Variants in GATAD1 observed in about 807,000 individuals in gnomAD.
The protein encoded by GATAD1 is GATA zinc finger domain containing 1, also known as GATA zinc finger domain-containing protein 1.
Under a neutral mutation model 26.5 loss-of-function variants are expected in GATAD1, and 12 were observed. That is an observed-to-expected ratio of 0.45 (90% confidence interval 0.29 to 0.73). GATAD1 has a LOEUF of 0.73. Among genes scored for constraint, GATAD1 ranks in the 30% least tolerant of loss-of-function variants. GATAD1 has a pLI of 0.10. For missense variants in GATAD1, 266 were observed against 342.1 expected (o/e 0.78, Z 1.75); for synonymous variants, 129 against 133.1 (o/e 0.97, Z 0.21).
the GATAD1 span, among the ~76,000 whole-genome samples, chr7:92,475,805 C>G: frequency 6.6e-6 from 1 of 152,144 alleles, no homozygotes; most frequent in Non-Finnish European, 1.5e-5. Context: ...CCCAGCTGCC[C>G]CATCAAGATG....
chr7:92,470,130 A>G, the GATAD1 span: 1 of 778,744 alleles, frequency 1.3e-6, no homozygotes, highest in Non-Finnish European at 2.4e-6. Context: ...TCCAATAATG[A>G]GTATTTGCAT....
intron 3 of GATAD1, 78 bp from the exon 4 acceptor site, chr7:92,454,424 C>A: frequency 1.8e-6 from 2 of 1,084,346 alleles, no homozygotes; most frequent in Non-Finnish European, 2.8e-6. Context: ...TGAAAACTTG[C>A]TTACCTATTA....
At chr7:92,479,469 G>A in the GATAD1 span, among the ~76,000 whole-genome samples, 37 of 152,264 alleles carry the variant, frequency 2.4e-4, 1 homozygote, top group Middle Eastern at 3.4e-3. Context: ...GAATGTCATC[G>A]GTTAAGGCAG....
the GATAD1 span, chr7:92,493,792 C>G: frequency 2.9e-5 from 5 of 172,782 alleles, no homozygotes; most frequent in Admixed American, 1.1e-4. Context: ...AACATATATA[C>G]AGATACTTTA....
At chr7:92,494,380 A>T in the GATAD1 span, 1 of 1,613,986 alleles carries the variant, frequency 6.2e-7, no homozygotes, top group South Asian at 1.1e-5. Flanking sequence ...GACTAGTAGC[A>T]GCCAATACAT....
Position 92,456,483 on chromosome 7 carries a change from C to T in GATAD1, c.731C>T (p.Pro244Leu). The T allele has an allele frequency of 6.2e-7, 1 of 1,612,384 alleles. No individual in the cohort carries two copies. The highest frequency in any genetic ancestry group is 8.5e-7 in the Non-Finnish European group (1 of 1,178,398). Residue 244 changes from proline to leucine, a missense_variant, in exon 5 of 5, where the codon CCA (proline) becomes CTA (leucine). Coordinates refer to ENST00000287957, the MANE Select transcript of GATAD1 (RefSeq NM_021167.5). ...CCATTTCCCACAGTTCCCACCAGAC[C>T]AGAGAAGGGCTACATATGGACTCAT... Reference protein sequence around the residue: ...SSPFPTVPTRPEKGYIWTHVG... With the variant: ...SSPFPTVPTRLEKGYIWTHVG...
At chr7:92,470,163 A>T in the GATAD1 span, 1 of 778,824 alleles carries the variant, frequency 1.3e-6, no homozygotes, top group Non-Finnish European at 2.4e-6. Context: ...TGGCAGAGTG[A>T]TAGCAGTTGC....
intron 3 of GATAD1, among the ~76,000 whole-genome samples, chr7:92,452,553 A>G (rs998557087): frequency 6.6e-6 from 1 of 152,168 alleles, no homozygotes; most frequent in South Asian, 2.1e-4. Context: ...GAACAACTCC[A>G]TGAACTCAGA....
At chr7:92,465,557 G>A in the GATAD1 span, among the ~76,000 whole-genome samples, 2 of 151,844 alleles carry the variant, frequency 1.3e-5, no homozygotes, top group African/African-American at 4.8e-5. Context: ...GGTGGAGGTT[G>A]CAGTGAGCCA....
chr7:92,461,739 A>T (rs1384924837), downstream of GATAD1, among the ~76,000 whole-genome samples: 1 of 152,218 alleles, frequency 6.6e-6, no homozygotes, highest in Non-Finnish European at 1.5e-5. Context: ...GGAAGCTTCC[A>T]TTCCTCTCTG....
the GATAD1 span, among the ~76,000 whole-genome samples, chr7:92,484,949 C>G: frequency 3.6e-3 from 538 of 148,378 alleles, 29 homozygotes; most frequent in East Asian, 0.084. Context: ...AAGGAGTCAG[C>G]GAAGGGAGAT....
At chr7:92,494,306 G>A in the GATAD1 span, 2 of 1,612,632 alleles carry the variant, frequency 1.2e-6, no homozygotes, top group Non-Finnish European at 1.7e-6. Flanking sequence ...ATCAGGAGGA[G>A]GACAGTATAC....
the GATAD1 span, among the ~76,000 whole-genome samples, chr7:92,486,225 G>A: frequency 1.8e-4 from 27 of 152,142 alleles, no homozygotes; most frequent in Admixed American, 1.6e-3. Context: ...CAAGTCTGAC[G>A]GCAGGTTGAT....
chr7:92,469,969 C>T, the GATAD1 span: 22,687 of 776,634 alleles, frequency 0.029, 410 homozygotes, highest in Middle Eastern at 0.062. Context: ...GCCATGTACC[C>T]GGGTGAGTTG....
chr7:92,451,067 G>A (rs1789408648), intron 3 of GATAD1, among the ~76,000 whole-genome samples: 1 of 152,122 alleles, frequency 6.6e-6, no homozygotes, highest in Non-Finnish European at 1.5e-5. Context: ...ATGGAAGACT[G>A]AGCCGTTAGT....
chr7:92,489,602 G>T, the GATAD1 span: 1 of 1,065,918 alleles, frequency 9.4e-7, no homozygotes. Flanking sequence ...AATGTGTTCT[G>T]GTCCCTTGTT....
At chr7:92,494,407 AAAG>A in the GATAD1 span, 4 of 1,613,734 alleles carry the variant, frequency 2.5e-6, no homozygotes, top group Admixed American at 1.7e-5. Context: ...CTAGAGGAAA[AAAG>A]AACATTTTTT....
At chr7:92,469,314 C>T in the GATAD1 span, 2 of 644,424 alleles carry the variant, frequency 3.1e-6, no homozygotes, top group East Asian at 2.8e-5. Flanking sequence ...GTTCCATGTC[C>T]CCATTTAGTT....
chr7:92,478,691 A>G, the GATAD1 span, among the ~76,000 whole-genome samples: 3 of 152,188 alleles, frequency 2.0e-5, no homozygotes, highest in Non-Finnish European at 2.9e-5. Context: ...TTTTCTTGTA[A>G]TAAGAAGCAA....
Sources: gnomAD v4.1 joint callset for allele counts (sites outside exome capture counted in the v4.1 genomes callset) on GRCh38, gnomAD v4.1.1 for gene constraint, MANE v1.5 for transcripts, NCBI Gene and HGNC (gene_info 2026-07-23, HGNC 2026-07-21) for gene names.